The following PPARGC1A variants were observed in gnomAD, a reference collection of about 807,000 sequenced individuals.
PPARGC1A encodes peroxisome proliferator-activated receptor gamma coactivator 1-alpha.
Under a neutral mutation model 88.7 loss-of-function variants are expected in PPARGC1A, and 25 were observed. The ratio of observed to expected loss-of-function variants is 0.28; its 90% CI spans 0.21 to 0.39. The LOEUF is 0.39. Among genes scored for constraint, PPARGC1A ranks in the 10% least tolerant of loss-of-function variants. The pLI is 1.00. For synonymous variants in PPARGC1A, 363 were observed against 355.6 expected (o/e 1.02, Z -0.24); for missense variants, 880 against 968.7 (o/e 0.91, Z 1.22).
At chr4:23,890,602 C>CT (rs56855205), upstream of PPARGC1A, among the ~76,000 whole-genome samples, 1,145 of 103,094 alleles carry the variant, frequency 0.011, 23 homozygotes, top group African/African-American at 0.032. Flanking sequence ...GCAAACGGGG[C>CT]TTTTTTTTTT....
the PPARGC1A span, among the ~76,000 whole-genome samples, chr4:24,381,026 G>A: frequency 6.6e-6 from 1 of 151,984 alleles, no homozygotes; most frequent in Non-Finnish European, 1.5e-5. Flanking sequence ...TAGAAGATTG[G>A]GCTAAATGAG....
the PPARGC1A span, among the ~76,000 whole-genome samples, chr4:24,316,126 A>C: frequency 2.0e-5 from 3 of 152,198 alleles, no homozygotes; most frequent in African/African-American, 7.2e-5. Flanking sequence ...CAGGACCATG[A>C]ATGTTTTCAT....
At chr4:24,301,484 C>G in the PPARGC1A span, among the ~76,000 whole-genome samples, 1 of 151,944 alleles carries the variant, frequency 6.6e-6, no homozygotes, top group African/African-American at 2.4e-5. Flanking sequence ...ATTAAATAGC[C>G]TGCGGTCTAT....
At chr4:23,940,293 C>T in the PPARGC1A span, among the ~76,000 whole-genome samples, 3 of 152,156 alleles carry the variant, frequency 2.0e-5, no homozygotes, top group African/African-American at 7.2e-5. Flanking sequence ...AACAAACCAT[C>T]TTATAACAGA....
chr4:23,900,367 G>A (rs1364962184), upstream of PPARGC1A, among the ~76,000 whole-genome samples: 2 of 152,164 alleles, frequency 1.3e-5, no homozygotes, highest in African/African-American at 2.4e-5. Flanking sequence ...AGACAATGTA[G>A]ATCTGTTACT....
chr4:24,256,851 T>C, the PPARGC1A span, among the ~76,000 whole-genome samples: 163 of 152,244 alleles, frequency 1.1e-3, no homozygotes, highest in African/African-American at 3.8e-3. Flanking sequence ...AGATGCAGAA[T>C]GGGGCCTGGA....
the PPARGC1A span, among the ~76,000 whole-genome samples, chr4:24,188,512 G>A: frequency 0.059 from 8,912 of 152,150 alleles, 350 homozygotes; most frequent in Middle Eastern, 0.12. Context: ...GATGGTCCTG[G>A]GGGAAATGCA....
the PPARGC1A span, among the ~76,000 whole-genome samples, chr4:24,137,113 C>CA: frequency 0.029 from 2,382 of 81,882 alleles, 63 homozygotes; most frequent in East Asian, 0.19. Flanking sequence ...GACTCTGTCT[C>CA]AAAAAAAAAA....
At chr4:23,818,839 CTTTTTTTTTTTTTTTT>C (rs762478316) in intron 7 of PPARGC1A, among the ~76,000 whole-genome samples, 10 of 49,022 alleles carry the variant, frequency 2.0e-4, no homozygotes, top group Admixed American at 1.4e-3. Context: ...CCAATGGCAT[CTTTTTTTTTTTTTTTT>C]TTTTTTTTTT....
the PPARGC1A span, among the ~76,000 whole-genome samples, chr4:24,058,166 C>A: frequency 6.6e-6 from 1 of 152,288 alleles, no homozygotes; most frequent in South Asian, 2.1e-4. Context: ...GCCGGCCCAT[C>A]GCTCCTGCTC....
chr4:23,992,322 CTAT>C, the PPARGC1A span, among the ~76,000 whole-genome samples: 197 of 149,034 alleles, frequency 1.3e-3, 2 homozygotes, highest in African/African-American at 4.5e-3. Flanking sequence ...CTAGTCTATA[CTAT>C]TATTATCAGA....
intron 2 of PPARGC1A, among the ~76,000 whole-genome samples, chr4:23,844,039 C>T (rs145693379): frequency 2.0e-3 from 297 of 151,286 alleles, no homozygotes; most frequent in African/African-American, 6.7e-3. Context: ...TTTATTTACA[C>T]ATATTTATTG....
chr4:24,461,042 G>A, the PPARGC1A span, among the ~76,000 whole-genome samples: 5 of 152,096 alleles, frequency 3.3e-5, no homozygotes, highest in Non-Finnish European at 7.4e-5. Context: ...TCCCGCCTCA[G>A]CCTCCCTAGT....
At chr4:23,961,630 G>A in the PPARGC1A span, among the ~76,000 whole-genome samples, 1 of 152,094 alleles carries the variant, frequency 6.6e-6, no homozygotes, top group African/African-American at 2.4e-5. Flanking sequence ...ACCACATGGT[G>A]CCAGAACTGG....
the PPARGC1A span, among the ~76,000 whole-genome samples, chr4:24,103,871 T>C: frequency 6.6e-6 from 1 of 152,212 alleles, no homozygotes; most frequent in Non-Finnish European, 1.5e-5. Context: ...TCATTATCTT[T>C]ATTTCCAACA....
chr4:24,315,237 A>AAGCCACT, the PPARGC1A span, among the ~76,000 whole-genome samples: 1 of 152,196 alleles, frequency 6.6e-6, no homozygotes, highest in African/African-American at 2.4e-5. Flanking sequence ...AAGGATGCTG[A>AAGCCACT]AGCCACTAGT....
the PPARGC1A span, among the ~76,000 whole-genome samples, chr4:24,156,906 C>T: frequency 5.9e-5 from 9 of 152,126 alleles, no homozygotes; most frequent in Non-Finnish European, 1.0e-4. Context: ...TTCAAAATGG[C>T]ATTGTTACCC....
chr4:23,968,892 AC>A, the PPARGC1A span, among the ~76,000 whole-genome samples: 1 of 151,692 alleles, frequency 6.6e-6, no homozygotes, highest in African/African-American at 2.4e-5. Flanking sequence ...AGCCTGGGCG[AC>A]AAGAGCAAAA....
At chr4:23,951,086 C>T in the PPARGC1A span, among the ~76,000 whole-genome samples, 8 of 152,220 alleles carry the variant, frequency 5.3e-5, no homozygotes, top group Admixed American at 3.3e-4. Flanking sequence ...AGCCTGCACA[C>T]TCTGGATACT....
Sources: allele counts gnomAD v4.1 joint callset (sites outside exome capture counted in the v4.1 genomes callset), GRCh38; gene constraint gnomAD v4.1.1; transcripts MANE v1.5; gene names NCBI Gene and HGNC (gene_info 2026-07-23, HGNC 2026-07-21).